The following HEMK2 variants were observed in gnomAD, a reference collection of about 807,000 sequenced individuals.
HEMK2 encodes HemK methyltransferase 2, ETF1 glutamine and histone H4 lysine, also known as methyltransferase HEMK2.
the HEMK2 span, among the ~76,000 whole-genome samples, chr21:28,850,467 G>A: frequency 2.0e-5 from 3 of 152,002 alleles, no homozygotes; most frequent in East Asian, 1.9e-4. Flanking sequence ...CTCGTGATCC[G>A]CCTGCCTCGG....
chr21:28,810,137 T>C, the HEMK2 span, among the ~76,000 whole-genome samples: 2 of 152,214 alleles, frequency 1.3e-5, no homozygotes, highest in African/African-American at 4.8e-5. Context: ...GCAGTATCCA[T>C]GTCTTCAGCT....
At chr21:28,586,772 C>A in the HEMK2 span, among the ~76,000 whole-genome samples, 1 of 152,132 alleles carries the variant, frequency 6.6e-6, no homozygotes. Flanking sequence ...TGGTAGAGTC[C>A]ATGCCTGGTG....
At chr21:28,587,413 A>T in the HEMK2 span, among the ~76,000 whole-genome samples, 21 of 152,358 alleles carry the variant, frequency 1.4e-4, no homozygotes, top group African/African-American at 4.8e-4. Flanking sequence ...TTTTTAAACA[A>T]ATAGATTAGT....
chr21:28,682,874 G>A, the HEMK2 span, among the ~76,000 whole-genome samples: 2 of 152,124 alleles, frequency 1.3e-5, no homozygotes, highest in South Asian at 4.1e-4. Context: ...GACACAGGAA[G>A]GGGAACATCA....
chr21:28,659,246 G>T, the HEMK2 span, among the ~76,000 whole-genome samples: 1 of 152,010 alleles, frequency 6.6e-6, no homozygotes, highest in African/African-American at 2.4e-5. Flanking sequence ...GAAAAGCCTT[G>T]TTCTACATGA....
chr21:28,693,330 C>G, the HEMK2 span, among the ~76,000 whole-genome samples: 10 of 152,072 alleles, frequency 6.6e-5, no homozygotes, highest in Non-Finnish European at 1.5e-4. Flanking sequence ...AAGCGTGCAC[C>G]ATTTGCCCAA....
the HEMK2 span, among the ~76,000 whole-genome samples, chr21:28,795,080 T>C: frequency 1.3e-5 from 2 of 152,346 alleles, no homozygotes; most frequent in South Asian, 2.1e-4. Context: ...GAGCAGAGAA[T>C]GAACAATATC....
the HEMK2 span, among the ~76,000 whole-genome samples, chr21:28,822,123 ATTCCAATCACTAG>A: frequency 6.6e-6 from 1 of 151,896 alleles, no homozygotes; most frequent in Non-Finnish European, 1.5e-5. Flanking sequence ...CTGCTACAGA[ATTCCAATCACTAG>A]TTTAGCCACA....
chr21:28,762,831 C>T, the HEMK2 span, among the ~76,000 whole-genome samples: 1 of 152,122 alleles, frequency 6.6e-6, no homozygotes, highest in East Asian at 1.9e-4. Context: ...GCTGAATAAA[C>T]TTCTTTTCTT....
chr21:28,596,877 T>C, the HEMK2 span, among the ~76,000 whole-genome samples: 5 of 152,210 alleles, frequency 3.3e-5, no homozygotes, highest in Admixed American at 2.0e-4. Context: ...TGGAAGTTAA[T>C]AGGTCCCATA....
chr21:28,870,956 T>C, the HEMK2 span, among the ~76,000 whole-genome samples: 1 of 152,206 alleles, frequency 6.6e-6, no homozygotes, highest in South Asian at 2.1e-4. Flanking sequence ...CAGAGTTCTA[T>C]ATTAGTCTAT....
the HEMK2 span, among the ~76,000 whole-genome samples, chr21:28,820,932 G>A: frequency 6.6e-6 from 1 of 152,142 alleles, no homozygotes; most frequent in African/African-American, 2.4e-5. Context: ...GTACATCAAG[G>A]GCTGAATTCC....
the HEMK2 span, among the ~76,000 whole-genome samples, chr21:28,678,969 G>A: frequency 6.6e-6 from 1 of 152,160 alleles, no homozygotes; most frequent in Non-Finnish European, 1.5e-5. Flanking sequence ...ATCAAGGCTA[G>A]GAAGAAAACG....
the HEMK2 span, among the ~76,000 whole-genome samples, chr21:28,586,068 C>A: frequency 1.3e-5 from 2 of 152,070 alleles, no homozygotes; most frequent in Non-Finnish European, 1.5e-5. Context: ...TTAAATGTTG[C>A]CCCTGGGAAA....
At chr21:28,637,902 G>A in the HEMK2 span, among the ~76,000 whole-genome samples, 22 of 152,142 alleles carry the variant, frequency 1.4e-4, no homozygotes, top group African/African-American at 5.1e-4. Flanking sequence ...CAATCAGAAA[G>A]CAACTTGTTG....
chr21:28,689,485 C>A, the HEMK2 span, among the ~76,000 whole-genome samples: 1 of 151,848 alleles, frequency 6.6e-6, no homozygotes, highest in East Asian at 1.9e-4. Context: ...CAAGAAGGCA[C>A]CAGCATGTAT....
the HEMK2 span, among the ~76,000 whole-genome samples, chr21:28,866,148 G>GAAAAAAAAAAA: frequency 1.0e-3 from 18 of 17,460 alleles, 2 homozygotes; most frequent in African/African-American, 2.5e-3. Context: ...TGTCTCTACA[G>GAAAAAAAAAAA]AAAAAACAAA....
chr21:28,842,584 AC>A, the HEMK2 span, among the ~76,000 whole-genome samples: 6 of 152,122 alleles, frequency 3.9e-5, no homozygotes, highest in Non-Finnish European at 5.9e-5. Flanking sequence ...TGTGGCAGTC[AC>A]TGTTGATTGC....
the HEMK2 span, among the ~76,000 whole-genome samples, chr21:28,588,470 G>A: frequency 4.5e-3 from 683 of 152,234 alleles, 4 homozygotes; most frequent in Non-Finnish European, 6.9e-3. Context: ...CCACTCAGTC[G>A]GTGACCAGGA....
Sources: gnomAD v4.1 joint callset for allele counts (sites outside exome capture counted in the v4.1 genomes callset) on GRCh38, gnomAD v4.1.1 for gene constraint, MANE v1.5 for transcripts, NCBI Gene and HGNC (gene_info 2026-07-23, HGNC 2026-07-21) for gene names.